The following NBEA variants were observed in gnomAD, a reference collection of about 807,000 sequenced individuals.
NBEA encodes lysosomal-trafficking regulator 2.
A neutral mutation model predicts 343.4 loss-of-function variants in NBEA; 44 were observed. The ratio of observed to expected loss-of-function variants is 0.13; its 90% CI spans 0.10 to 0.16. The LOEUF is 0.16. Among genes scored for constraint, NBEA ranks in the 10% least tolerant of loss-of-function variants. NBEA has a pLI of 1.00. For synonymous variants in NBEA, 1,175 were observed against 1,238.7 expected (o/e 0.95, Z 1.08); for missense variants, 2,555 against 3,631.3 (o/e 0.70, Z 7.62).
At chr13:35,158,300 G>C (rs1030690594) in intron 21 of NBEA, among the ~76,000 whole-genome samples, 2 of 152,030 alleles carry the variant, frequency 1.3e-5, no homozygotes, top group Admixed American at 1.3e-4. Context: ...GTCTGTAAGA[G>C]AAAGTCTGTG....
At chr13:35,389,031 T>G (rs1300505459) in intron 38 of NBEA, among the ~76,000 whole-genome samples, 4 of 151,862 alleles carry the variant, frequency 2.6e-5, no homozygotes, top group Admixed American at 2.0e-4. Context: ...TTTTTTTTTT[T>G]TCTTTTGGTA....
intron 48 of NBEA, among the ~76,000 whole-genome samples, chr13:35,614,469 A>G (rs1046982315): frequency 2.6e-5 from 4 of 152,178 alleles, no homozygotes; most frequent in African/African-American, 4.8e-5. Flanking sequence ...GTTGTTTACA[A>G]TCTCTTCTAG....
At chr13:34,967,468 A>C (rs1291917415) in intron 1 of NBEA, among the ~76,000 whole-genome samples, 1 of 152,012 alleles carries the variant, frequency 6.6e-6, no homozygotes, top group Non-Finnish European at 1.5e-5. Flanking sequence ...AGCTGTAGTC[A>C]ACCATATGGC....
intron 30 of NBEA, among the ~76,000 whole-genome samples, chr13:35,195,563 A>G (rs2072527750): frequency 6.6e-6 from 1 of 151,434 alleles, no homozygotes; most frequent in African/African-American, 2.4e-5. Flanking sequence ...TGCCTAGCTT[A>G]TTTTTGTGTT....
At chr13:35,435,959 A>C (rs1349554293) in intron 39 of NBEA, among the ~76,000 whole-genome samples, 1 of 152,156 alleles carries the variant, frequency 6.6e-6, no homozygotes, top group Non-Finnish European at 1.5e-5. Flanking sequence ...GACCCAAGGA[A>C]ATGACTTAAA....
At chr13:35,667,629 T>C in intron 57 of NBEA, 59 bp downstream of exon 57, 1 of 1,413,354 alleles carries the variant, frequency 7.1e-7, no homozygotes, top group Non-Finnish European at 9.9e-7. Flanking sequence ...AGATTGATTG[T>C]TTTACATTAA....
At chr13:35,070,274 A>G (rs1353078298) in intron 9 of NBEA, among the ~76,000 whole-genome samples, 169 bp downstream of exon 9, 2 of 152,040 alleles carry the variant, frequency 1.3e-5, no homozygotes, top group East Asian at 1.9e-4. Flanking sequence ...TTCTATAGCA[A>G]TATACTCTAC....
chr13:35,393,782 C>CT (rs1337933826), intron 38 of NBEA, among the ~76,000 whole-genome samples: 1 of 152,072 alleles, frequency 6.6e-6, no homozygotes, highest in East Asian at 1.9e-4. Flanking sequence ...AATACATTGT[C>CT]TATCTTTGCT....
intron 20 of NBEA, among the ~76,000 whole-genome samples, chr13:35,156,811 A>G (rs1293081554): frequency 6.6e-6 from 1 of 152,170 alleles, no homozygotes; most frequent in Non-Finnish European, 1.5e-5. Flanking sequence ...TGTGAGTGCT[A>G]AAGGTGGTGA....
chr13:35,076,380 A>T (rs1387753179), intron 10 of NBEA, among the ~76,000 whole-genome samples: 1 of 152,094 alleles, frequency 6.6e-6, no homozygotes, highest in Non-Finnish European at 1.5e-5. Context: ...GAGTAAAATG[A>T]AATATATATT....
chr13:35,104,270 G>A (rs866100068), intron 11 of NBEA, among the ~76,000 whole-genome samples: 2 of 151,818 alleles, frequency 1.3e-5, no homozygotes, highest in African/African-American at 2.4e-5. Context: ...AAATAAATTA[G>A]TATTCCTTCC....
intron 1 of NBEA, among the ~76,000 whole-genome samples, chr13:34,967,648 A>G (rs958231730): frequency 2.0e-5 from 3 of 152,126 alleles, no homozygotes; most frequent in Non-Finnish European, 2.9e-5. Context: ...AAGACTCTCT[A>G]GAACAAAGGT....
At chr13:35,586,160 G>T (rs1456430022) in intron 46 of NBEA, among the ~76,000 whole-genome samples, 1 of 152,124 alleles carries the variant, frequency 6.6e-6, no homozygotes, top group Non-Finnish European at 1.5e-5. Context: ...ATATGAAACT[G>T]CATCTCCTGT....
intron 1 of NBEA, among the ~76,000 whole-genome samples, chr13:34,968,862 GT>G (rs1313320635): frequency 7.0e-6 from 1 of 142,714 alleles, no homozygotes; most frequent in Non-Finnish European, 1.6e-5. Flanking sequence ...TGATTAATGT[GT>G]TTTAATATCA....
intron 32 of NBEA, 53 bp downstream of exon 32, chr13:35,208,907 A>G (rs1460833649): frequency 2.3e-6 from 3 of 1,279,194 alleles, no homozygotes; most frequent in African/African-American, 1.5e-5. Context: ...TTTCTGTATC[A>G]TTTTTCTGCT....
intron 10 of NBEA, among the ~76,000 whole-genome samples, chr13:35,094,076 T>C (rs889230692): frequency 6.6e-6 from 1 of 151,952 alleles, no homozygotes. Flanking sequence ...TTTCAAGCAC[T>C]TTTTTATACT....
At chr13:35,431,826 C>T (rs1216885434) in intron 38 of NBEA, among the ~76,000 whole-genome samples, 4 of 152,058 alleles carry the variant, frequency 2.6e-5, no homozygotes, top group Admixed American at 6.6e-5. Flanking sequence ...CTTAATTCAG[C>T]CTACTAAGAA....
intron 39 of NBEA, among the ~76,000 whole-genome samples, chr13:35,443,826 A>G (rs375780791): frequency 2.0e-5 from 3 of 151,888 alleles, no homozygotes; most frequent in East Asian, 1.9e-4. Flanking sequence ...GGATTTTTCT[A>G]TTGAAAGACC....
chr13:35,627,048 A>G (rs898728809), intron 48 of NBEA, among the ~76,000 whole-genome samples: 2 of 152,320 alleles, frequency 1.3e-5, no homozygotes, highest in African/African-American at 4.8e-5. Flanking sequence ...AATATTTTAT[A>G]TACTTAAAAA....
Sources: gnomAD v4.1 joint callset for allele counts (sites outside exome capture counted in the v4.1 genomes callset) on GRCh38, gnomAD v4.1.1 for gene constraint, MANE v1.5 for transcripts, NCBI Gene and HGNC (gene_info 2026-07-23, HGNC 2026-07-21) for gene names.